RANBP9: variants seen among roughly 807,000 people sequenced by gnomAD.
RANBP9 encodes the protein RAN binding protein 9.
RANBP9 carries 15 observed loss-of-function variants against 84.3 expected under a neutral mutation model. The ratio of observed to expected loss-of-function variants is 0.18; its 90% CI spans 0.12 to 0.27. The LOEUF is 0.27. RANBP9 is among the 10% of genes least tolerant of loss of function. The pLI is 1.00. For synonymous variants in RANBP9, 392 were observed against 349.6 expected (o/e 1.12, Z -1.35); for missense variants, 809 against 912.8 (o/e 0.89, Z 1.46).
chr6:13,690,970 C>T (rs559289094), intron 2 of RANBP9, among the ~76,000 whole-genome samples: 4 of 152,112 alleles, frequency 2.6e-5, no homozygotes, highest in Non-Finnish European at 4.4e-5. Flanking sequence ...AGTTCAAGAC[C>T]GGCCTGGCCA....
chr6:13,695,813 A>G (rs1766431273), intron 2 of RANBP9, among the ~76,000 whole-genome samples: 1 of 152,168 alleles, frequency 6.6e-6, no homozygotes, highest in Non-Finnish European at 1.5e-5. Flanking sequence ...TACTGTTGAC[A>G]TCGAGAATAT....
At position 13,639,428 on chromosome 6, in the gene RANBP9, C is replaced by G. The variant is rs1465911059; in HGVS notation, c.1525+135G>C. ...CTCCTGACCTCGTGATCCGCCCACC[C>G]TGGCCTCCCAAAGTGCTGGGATTAC... is the stretch of plus-strand genomic sequence containing the variant. On this transcript the variant is annotated intron_variant, in intron 9 of 13. Transcript: ENST00000011619. The G allele has an allele frequency of 5.4e-6, 5 of 927,890 alleles. No homozygotes were observed. In the East Asian group the frequency reaches 1.4e-4, roughly 25 times the overall value. The allele number at this position is 927,890 out of a possible 1,614,324, so 57.5% of individuals were successfully genotyped here.
intron 3 of RANBP9, among the ~76,000 whole-genome samples, chr6:13,658,268 A>G (rs546561777): frequency 7.7e-6 from 1 of 130,476 alleles, no homozygotes; most frequent in East Asian, 2.0e-4. Context: ...AGCATGATAT[A>G]TATACTATAT....
chr6:13,647,212 TAACACAAACAAAATTTTAA>T (rs1443606146), intron 5 of RANBP9, among the ~76,000 whole-genome samples: 1 of 152,184 alleles, frequency 6.6e-6, no homozygotes, highest in Non-Finnish European at 1.5e-5. Flanking sequence ...GCATTATTTG[TAACACAAACAAAATTTTAA>T]AATATTCACA....
At chr6:13,707,701 T>A (rs1326791022) in intron 1 of RANBP9, among the ~76,000 whole-genome samples, 1 of 152,224 alleles carries the variant, frequency 6.6e-6, no homozygotes, top group African/African-American at 2.4e-5. Context: ...CTTGTCCAGA[T>A]CCACTAGTGT....
intron 10 of RANBP9, among the ~76,000 whole-genome samples, chr6:13,636,748 T>C (rs1764948271): frequency 6.6e-6 from 1 of 152,244 alleles, no homozygotes; most frequent in Non-Finnish European, 1.5e-5. Context: ...TACACTTTTG[T>C]GGTTCTCCAT....
At position 13,692,006 on chromosome 6, in the gene RANBP9, C is replaced by T. The variant is rs149788636; in HGVS notation, c.683+4779G>A. On this transcript the variant is annotated intron_variant, in intron 2 of 13. Coordinates refer to ENST00000011619, the MANE Select transcript of RANBP9 (RefSeq NM_005493.3). ...CAGAATAAACTCTCAGATGGGCACACATCACTGCAAACAAAAGGTTCCTAA... is the reference window on the plus strand; with the variant it reads ...CAGAATAAACTCTCAGATGGGCACATATCACTGCAAACAAAAGGTTCCTAA... 3.3e-3 allele frequency among the ~76,000 whole-genome samples: 508 copies of T among 152,286 alleles called. 2 individuals are homozygous for T. The highest frequency in any genetic ancestry group is 0.012 in the African/African-American group (494 of 41,566).
intron 2 of RANBP9, among the ~76,000 whole-genome samples, chr6:13,686,116 GCCC>G (rs869094962): frequency 1.4e-3 from 3 of 2,102 alleles, no homozygotes; most frequent in African/African-American, 2.6e-3. Flanking sequence ...CCCCCCCCCC[GCCC>G]CCCGAAATAG....
chr6:13,705,549 T>A (rs1242292562), intron 1 of RANBP9, among the ~76,000 whole-genome samples: 1 of 151,992 alleles, frequency 6.6e-6, no homozygotes, highest in South Asian at 2.1e-4. Flanking sequence ...CAAGTAATTC[T>A]TCAATTCCTT....
chr6:13,640,128 A>G (rs1389264415), intron 8 of RANBP9, among the ~76,000 whole-genome samples: 2 of 152,196 alleles, frequency 1.3e-5, no homozygotes, highest in Non-Finnish European at 2.9e-5. Flanking sequence ...TATGAGATAC[A>G]TATAAAGCGT....
Position 13,696,517 on chromosome 6 carries a change from T to C in RANBP9, c.683+268A>G, listed in dbSNP as rs563394624. ...GCAGTGTAAGAAAAGTCATGGAAAA[T>C]GAGTCACCATCCCTTCATTCCTTAA... On this transcript the variant is annotated intron_variant, in intron 2 of 13. Transcript: ENST00000011619. Among the ~76,000 whole-genome samples, 12 of 152,306 alleles carry C rather than the reference T, an allele frequency of 7.9e-5. No individual in the cohort carries two copies. The East Asian group carries it at 2.3e-3, about 29-fold the overall frequency.
chr6:13,699,914 A>G (rs979354604), intron 1 of RANBP9, among the ~76,000 whole-genome samples: 1 of 152,220 alleles, frequency 6.6e-6, no homozygotes, highest in African/African-American at 2.4e-5. Context: ...TTTGAATTTC[A>G]GATTTGGGAT....
At chr6:13,681,450 AG>A (rs1766035764) in intron 2 of RANBP9, among the ~76,000 whole-genome samples, 1 of 152,184 alleles carries the variant, frequency 6.6e-6, no homozygotes, top group South Asian at 2.1e-4. Flanking sequence ...CACTGGGGAA[AG>A]GGAAGAAAAG....
intron 2 of RANBP9, among the ~76,000 whole-genome samples, chr6:13,671,337 A>G (rs972998737): frequency 1.2e-4 from 19 of 152,206 alleles, no homozygotes; most frequent in African/African-American, 3.9e-4. Context: ...TAGCCATACT[A>G]TGTTACACAA....
intron 2 of RANBP9, among the ~76,000 whole-genome samples, chr6:13,676,439 T>C (rs1765887651): frequency 6.6e-6 from 1 of 152,088 alleles, no homozygotes; most frequent in Non-Finnish European, 1.5e-5. Flanking sequence ...GAGGGTACAC[T>C]TTCTAAGTCA....
intron 6 of RANBP9, among the ~76,000 whole-genome samples, chr6:13,643,070 G>A (rs569315926): frequency 6.6e-6 from 1 of 152,144 alleles, no homozygotes; most frequent in African/African-American, 2.4e-5. Flanking sequence ...GTTAAATGAA[G>A]TGGGATCACA....
intron 1 of RANBP9, among the ~76,000 whole-genome samples, chr6:13,709,875 A>C (rs978919338): frequency 2.0e-5 from 3 of 152,218 alleles, no homozygotes; most frequent in African/African-American, 7.2e-5. Flanking sequence ...CTAGGATCTG[A>C]GTAGACCCCT....
At position 13,622,238 on chromosome 6, in the gene RANBP9, T is replaced by C; in HGVS notation, c.*124A>G. On this transcript the variant is annotated 3_prime_UTR_variant, in exon 14 of 14. Transcript: ENST00000011619. ...TCATGCTGTAAACTAGGAAGCAATG[T>C]AAAGCGACAAAAACCTGTCCCCAGT... The C allele has an allele frequency of 9.8e-7, 1 of 1,024,506 alleles. No individual in the cohort carries two copies. 63.5% of individuals were successfully genotyped at this position (1,024,506 alleles called of 1,614,324 possible).
Position 13,681,067 on chromosome 6 carries a change from A to C in RANBP9, c.683+15718T>G, listed in dbSNP as rs192186906. Among the ~76,000 whole-genome samples the C allele has an allele frequency of 3.0e-4, 45 of 152,348 alleles. No individual in the cohort carries two copies. In the East Asian group the frequency reaches 8.7e-3, roughly 29 times the overall value. ...GCTCATAAAATATAGATATAAAACAATTAACAAAAAAGAGAATTTACAGAA... is the reference window on the plus strand; with the variant it reads ...GCTCATAAAATATAGATATAAAACACTTAACAAAAAAGAGAATTTACAGAA... On this transcript the variant is annotated intron_variant, in intron 2 of 13. Coordinates refer to ENST00000011619, the MANE Select transcript of RANBP9 (RefSeq NM_005493.3).
Sources: gnomAD v4.1 joint callset for allele counts (sites outside exome capture counted in the v4.1 genomes callset) on GRCh38, gnomAD v4.1.1 for gene constraint, MANE v1.5 for transcripts, NCBI Gene and HGNC (gene_info 2026-07-23, HGNC 2026-07-21) for gene names.